Variants in KLHL28 observed in about 807,000 individuals in gnomAD.
KLHL28 encodes the protein kelch-like protein 28.
KLHL28 carries 22 observed loss-of-function variants against 48.3 expected under a neutral mutation model. The ratio of observed to expected loss-of-function variants is 0.46; its 90% confidence interval spans 0.33 to 0.65. The LOEUF is 0.65. Ranked by LOEUF, KLHL28 falls within the 30% of genes least tolerant of loss-of-function variation. The probability of loss-of-function intolerance (pLI) is 0.03; values close to 1 mark genes in which losing one functional copy is unlikely to be tolerated. For synonymous variants in KLHL28, 243 were observed against 242.4 expected (o/e 1.00, Z -0.02); for missense variants, 527 against 704.3 (o/e 0.75, Z 2.85).
chr14:44,961,430 T>C (rs1013257905), intron 1 of KLHL28, among the ~76,000 whole-genome samples: 3 of 151,884 alleles, frequency 2.0e-5, no homozygotes, highest in African/African-American at 7.3e-5. Flanking sequence ...ATTATGTACG[T>C]TGTAAAGAAA....
At chr14:44,951,805 T>C (rs1041407818) in intron 1 of KLHL28, among the ~76,000 whole-genome samples, 20 of 152,224 alleles carry the variant, frequency 1.3e-4, no homozygotes, top group Admixed American at 2.0e-4. Flanking sequence ...AATAGGGAAC[T>C]TAAAATGAAT....
intron 2 of KLHL28, among the ~76,000 whole-genome samples, chr14:44,941,580 A>T (rs1213735997): frequency 1.3e-5 from 2 of 148,350 alleles, no homozygotes; most frequent in Non-Finnish European, 1.5e-5. Context: ...GTGAGCCGAG[A>T]TTGCGCCACT....
chr14:44,950,807 G>T (rs1884548416), intron 1 of KLHL28, among the ~76,000 whole-genome samples: 1 of 152,104 alleles, frequency 6.6e-6, no homozygotes, highest in Non-Finnish European at 1.5e-5. Context: ...TATTTTTACT[G>T]TTCATCAACC....
chr14:44,924,389 C>G lies in KLHL28; in HGVS notation c.*4639G>C, dbSNP rs1883312343. ...AAATTTAACCATAATAATTACAGAACATTACCACAATGATACACACAAATA... is the reference window on the plus strand; with the variant it reads ...AAATTTAACCATAATAATTACAGAAGATTACCACAATGATACACACAAATA... On this transcript the variant is annotated 3_prime_UTR_variant, in exon 5 of 5. Coordinates refer to ENST00000396128, the MANE Select transcript of KLHL28 (RefSeq NM_017658.5). The G allele has an allele frequency of 6.6e-6, 1 of 152,332 alleles. No homozygotes were observed. The highest frequency in any genetic ancestry group is 1.5e-5 in the Non-Finnish European group (1 of 68,012). 9.4% of individuals were successfully genotyped at this position (152,332 alleles called of 1,614,324 possible).
chr14:44,932,468 C>T (rs1441858145), intron 3 of KLHL28, among the ~76,000 whole-genome samples: 1 of 152,058 alleles, frequency 6.6e-6, no homozygotes, highest in Admixed American at 6.6e-5. Context: ...TCAGAATTTT[C>T]AAAAAGGCTT....
chr14:44,944,472 G>A, intron 2 of KLHL28, among the ~76,000 whole-genome samples: 1 of 150,576 alleles, frequency 6.6e-6, no homozygotes, highest in South Asian at 2.1e-4. Context: ...CTAAGTTATT[G>A]GGGGGAAAAA....
intron 1 of KLHL28, among the ~76,000 whole-genome samples, chr14:44,957,366 T>G (rs559038463): frequency 6.6e-6 from 1 of 152,300 alleles, no homozygotes; most frequent in African/African-American, 2.4e-5. Flanking sequence ...ATAAGACAGT[T>G]TTAGAATCCT....
intron 1 of KLHL28, among the ~76,000 whole-genome samples, chr14:44,951,977 G>A (rs146962187): frequency 6.6e-6 from 1 of 152,150 alleles, no homozygotes; most frequent in African/African-American, 2.4e-5. Context: ...TCCCACTTCA[G>A]CCTCCCAAGT....
intron 1 of KLHL28, among the ~76,000 whole-genome samples, chr14:44,946,945 G>A (rs2138637179): frequency 6.6e-6 from 1 of 152,116 alleles, no homozygotes. Flanking sequence ...AAAATAGCAG[G>A]GAAGAAAAGG....
rs946419585 is a variant in KLHL28, at chr14:44,924,888, T to G, written c.*4140A>C. ...TCTGCAGAGATGTAAACTGGATTTT[T>G]ATTTGACTCCATATTCACACCAGTA... On this transcript the variant is annotated 3_prime_UTR_variant, in exon 5 of 5. Coordinates refer to ENST00000396128, the MANE Select transcript of KLHL28 (RefSeq NM_017658.5). 2 of 152,592 alleles carry G rather than the reference T, an allele frequency of 1.3e-5. No individual in the cohort carries two copies. The highest frequency in any genetic ancestry group is 4.8e-5 in the African/African-American group (2 of 41,464). The allele number at this position is 152,592 out of a possible 1,614,324, so 9.5% of individuals were successfully genotyped here. A position where few individuals can be genotyped will look rare whatever the true frequency, so the allele number is the denominator to read the frequency against.
At chr14:44,942,227 C>G (rs562928079) in intron 2 of KLHL28, among the ~76,000 whole-genome samples, 2 of 152,146 alleles carry the variant, frequency 1.3e-5, no homozygotes, top group Non-Finnish European at 2.9e-5. Flanking sequence ...ACTCATTCAT[C>G]TTGGATTCCT....
chr14:44,949,787 G>A (rs543608685), intron 1 of KLHL28, among the ~76,000 whole-genome samples: 3 of 152,074 alleles, frequency 2.0e-5, no homozygotes, highest in East Asian at 1.9e-4. Flanking sequence ...TCTGTAGAAC[G>A]TGTTTAACAG....
chr14:44,948,601 T>C (rs1272386210), intron 1 of KLHL28, among the ~76,000 whole-genome samples: 1 of 152,108 alleles, frequency 6.6e-6, no homozygotes, highest in Non-Finnish European at 1.5e-5. Flanking sequence ...GTTAAGAATA[T>C]AGTACTTACG....
chr14:44,952,466 T>C (rs1884623956), intron 1 of KLHL28, among the ~76,000 whole-genome samples: 1 of 152,222 alleles, frequency 6.6e-6, no homozygotes, highest in Admixed American at 6.5e-5. Context: ...AGTTAAAATA[T>C]TTATAGCTCA....
At chr14:44,956,028 T>C (rs1450558368) in intron 1 of KLHL28, among the ~76,000 whole-genome samples, 2 of 152,230 alleles carry the variant, frequency 1.3e-5, no homozygotes, top group Non-Finnish European at 2.9e-5. Flanking sequence ...ATGTAGCAAC[T>C]CATTTTTTGA....
chr14:44,953,927 A>T (rs1452155011), intron 1 of KLHL28, among the ~76,000 whole-genome samples: 1 of 152,212 alleles, frequency 6.6e-6, no homozygotes, highest in Non-Finnish European at 1.5e-5. Context: ...GAGACTGAGA[A>T]AAATATTTGT....
intron 2 of KLHL28, among the ~76,000 whole-genome samples, chr14:44,936,602 A>C (rs1481713128): frequency 6.6e-6 from 1 of 152,184 alleles, no homozygotes; most frequent in Non-Finnish European, 1.5e-5. Context: ...AAACTGATTA[A>C]GGAAATGTAG....
chr14:44,931,322 A>G lies in KLHL28; in HGVS notation c.1552+11T>C, dbSNP rs773488178. On this transcript the variant is annotated intron_variant, in intron 4 of 4. Transcript: ENST00000396128. ...GCCTTACATGTTTAGAAATTAATAA[A>G]TTCTTATTACCTGTTCTAGGTTCTT... The G allele has an allele frequency of 1.3e-6, 2 of 1,567,386 alleles. No individual in the cohort carries two copies. Among genetic ancestry groups the G allele is most frequent in the East Asian group, 4.5e-5 (2 of 44,586 alleles).
chr14:44,957,947 T>C (rs952175155), intron 1 of KLHL28, among the ~76,000 whole-genome samples: 8 of 151,900 alleles, frequency 5.3e-5, no homozygotes, highest in Admixed American at 1.3e-4. Context: ...ACACATTAGA[T>C]ACAAAAATAC....
Sources: allele counts gnomAD v4.1 joint callset (sites outside exome capture counted in the v4.1 genomes callset), GRCh38; gene constraint gnomAD v4.1.1; transcripts MANE v1.5; gene names NCBI Gene and HGNC (gene_info 2026-07-23, HGNC 2026-07-21).